Variants in PDE1A observed in about 807,000 individuals in gnomAD.
PDE1A encodes phosphodiesterase 1A.
Under a neutral mutation model 61.7 loss-of-function variants are expected in PDE1A, and 35 were observed. The observed-to-expected ratio is 0.57, with a 90% CI of 0.43 to 0.75. PDE1A has a LOEUF of 0.75. Among genes scored for constraint, PDE1A ranks in the 30% least tolerant of loss-of-function variants. PDE1A has a pLI of 0.00. For missense variants in PDE1A, 597 were observed against 630.6 expected (o/e 0.95, Z 0.57); for synonymous variants, 232 against 213.2 (o/e 1.09, Z -0.77).
intron 1 of PDE1A, among the ~76,000 whole-genome samples, chr2:182,346,032 G>C (rs748976080): frequency 3.3e-5 from 5 of 152,160 alleles, no homozygotes; most frequent in Admixed American, 6.6e-5. Flanking sequence ...CAGCATAAAT[G>C]TTCCTTAAAG....
At chr2:182,684,262 A>C in the PDE1A span, among the ~76,000 whole-genome samples, 167 of 152,280 alleles carry the variant, frequency 1.1e-3, 1 homozygote, top group African/African-American at 3.7e-3. Flanking sequence ...AAATACTAAG[A>C]AAATTTACTT....
chr2:182,711,232 T>A, the PDE1A span, among the ~76,000 whole-genome samples: 1 of 152,050 alleles, frequency 6.6e-6, no homozygotes, highest in Non-Finnish European at 1.5e-5. Flanking sequence ...AGCAATCCAG[T>A]ATAAGGTAGC....
chr2:182,679,412 G>C, the PDE1A span, among the ~76,000 whole-genome samples: 1 of 147,362 alleles, frequency 6.8e-6, no homozygotes, highest in African/African-American at 2.5e-5. Flanking sequence ...TGTTAGCCAG[G>C]CTGGTCTTGA....
At chr2:182,636,118 G>C in the PDE1A span, among the ~76,000 whole-genome samples, 1 of 151,822 alleles carries the variant, frequency 6.6e-6, no homozygotes, top group African/African-American at 2.4e-5. Flanking sequence ...ACCGTGCCCG[G>C]CTAATTTTTT....
At chr2:182,373,177 T>C (rs139243062) in intron 1 of PDE1A, among the ~76,000 whole-genome samples, 2 of 152,338 alleles carry the variant, frequency 1.3e-5, no homozygotes, top group African/African-American at 4.8e-5. Flanking sequence ...TCTTGGGGTT[T>C]AGTATCAAAC....
chr2:182,471,386 T>C (rs1013989662), intron 2 of PDE1A, among the ~76,000 whole-genome samples: 1 of 151,804 alleles, frequency 6.6e-6, no homozygotes, highest in African/African-American at 2.4e-5. Context: ...CACAGTATAA[T>C]TATTGATGTT....
chr2:182,698,598 AAAT>A, the PDE1A span, among the ~76,000 whole-genome samples: 3 of 152,244 alleles, frequency 2.0e-5, no homozygotes, highest in South Asian at 4.1e-4. Flanking sequence ...GCAGAATAAA[AAAT>A]AATTTTTCAT....
At chr2:182,429,875 C>A (rs904384285), upstream of PDE1A, among the ~76,000 whole-genome samples, 9 of 152,126 alleles carry the variant, frequency 5.9e-5, no homozygotes, top group Admixed American at 3.3e-4. Flanking sequence ...TATGCCATCC[C>A]AAGCACTGGA....
At chr2:182,659,915 T>C in the PDE1A span, among the ~76,000 whole-genome samples, 4 of 152,206 alleles carry the variant, frequency 2.6e-5, no homozygotes, top group Non-Finnish European at 1.5e-5. Context: ...TGTCATAATT[T>C]TGTAAACACT....
At chr2:182,268,391 A>C (rs1692783458) in intron 1 of PDE1A, among the ~76,000 whole-genome samples, 3 of 152,080 alleles carry the variant, frequency 2.0e-5, no homozygotes, top group Admixed American at 1.3e-4. Flanking sequence ...ATTAGTACAT[A>C]TATAAGAATA....
At chr2:182,656,020 T>C in the PDE1A span, among the ~76,000 whole-genome samples, 1 of 152,202 alleles carries the variant, frequency 6.6e-6, no homozygotes, top group African/African-American at 2.4e-5. Flanking sequence ...ACCCTGTGGT[T>C]GTCCTTCATC....
intron 4 of PDE1A, among the ~76,000 whole-genome samples, chr2:182,232,036 T>C (rs1415782434): frequency 2.0e-5 from 3 of 152,212 alleles, no homozygotes; most frequent in Non-Finnish European, 4.4e-5. Context: ...ATTTGCTCTA[T>C]CTTTGGCTGA....
At chr2:182,563,681 G>T in the PDE1A span, among the ~76,000 whole-genome samples, 1 of 152,166 alleles carries the variant, frequency 6.6e-6, no homozygotes, top group African/African-American at 2.4e-5. Flanking sequence ...TTATTATTGT[G>T]TGGGAGTCTA....
At chr2:182,570,287 C>G in the PDE1A span, among the ~76,000 whole-genome samples, 11 of 152,064 alleles carry the variant, frequency 7.2e-5, no homozygotes, top group African/African-American at 2.7e-4. Context: ...ACTGTAAGAA[C>G]CTACTTTAAA....
chr2:182,294,767 G>T (rs1461513006), intron 1 of PDE1A, among the ~76,000 whole-genome samples: 1 of 152,160 alleles, frequency 6.6e-6, no homozygotes, highest in South Asian at 2.1e-4. Flanking sequence ...AATGTGAATT[G>T]AGAAAGAGTA....
chr2:182,353,575 T>C (rs558110393), intron 1 of PDE1A, among the ~76,000 whole-genome samples: 1 of 152,110 alleles, frequency 6.6e-6, no homozygotes, highest in Non-Finnish European at 1.5e-5. Context: ...AATTTTATAG[T>C]TCTAAATTCA....
chr2:182,441,712 C>T (rs1351615391), intron 2 of PDE1A, among the ~76,000 whole-genome samples: 1 of 151,956 alleles, frequency 6.6e-6, no homozygotes, highest in Non-Finnish European at 1.5e-5. Context: ...CAAGATAAAT[C>T]TGGAATACAT....
intron 1 of PDE1A, among the ~76,000 whole-genome samples, chr2:182,301,859 T>C (rs1695266004): frequency 6.6e-6 from 1 of 152,140 alleles, no homozygotes; most frequent in African/African-American, 2.4e-5. Flanking sequence ...TTGTTACCCA[T>C]AGGACAAACC....
chr2:182,678,914 T>C, the PDE1A span, among the ~76,000 whole-genome samples: 1 of 152,022 alleles, frequency 6.6e-6, no homozygotes, highest in Admixed American at 6.6e-5. Context: ...TAACAGTATA[T>C]TGTGTATTTC....
Sources: allele counts gnomAD v4.1 joint callset (sites outside exome capture counted in the v4.1 genomes callset), GRCh38; gene constraint gnomAD v4.1.1; transcripts MANE v1.5; gene names NCBI Gene and HGNC (gene_info 2026-07-23, HGNC 2026-07-21).